The following RNLS variants were observed in gnomAD, a reference collection of about 807,000 sequenced individuals.
RNLS encodes renalase, FAD dependent amine oxidase.
Under a neutral mutation model 39.8 loss-of-function variants are expected in RNLS, and 39 were observed. The ratio of observed to expected loss-of-function variants is 0.98; its 90% CI spans 0.76 to 1.28. RNLS has a LOEUF of 1.28. RNLS is among the 50% of genes most tolerant of loss of function. The pLI, the probability that RNLS is intolerant of heterozygous loss-of-function variation, is 0.00. For synonymous variants in RNLS, 147 were observed against 150.7 expected (o/e 0.98, Z 0.18); for missense variants, 410 against 413.3 (o/e 0.99, Z 0.07).
At chr10:88,234,782 A>C in the RNLS span, among the ~76,000 whole-genome samples, 1 of 152,174 alleles carries the variant, frequency 6.6e-6, no homozygotes, top group African/African-American at 2.4e-5. Context: ...AGAGGGGTAA[A>C]AGTCAAAGCT....
chr10:88,209,526 A>G, the RNLS span, among the ~76,000 whole-genome samples: 2 of 152,164 alleles, frequency 1.3e-5, no homozygotes, highest in African/African-American at 2.4e-5. Context: ...TTAGAGAGAG[A>G]GCATGGCCTT....
the RNLS span, among the ~76,000 whole-genome samples, chr10:88,209,029 CT>C: frequency 6.6e-6 from 1 of 152,100 alleles, no homozygotes; most frequent in South Asian, 2.1e-4. Flanking sequence ...AATCGGATAG[CT>C]TTTCCCAGTG....
intron 4 of RNLS, among the ~76,000 whole-genome samples, chr10:88,459,602 C>T (rs1314452839): frequency 6.6e-6 from 1 of 152,092 alleles, no homozygotes; most frequent in Non-Finnish European, 1.5e-5. Flanking sequence ...TTAAGAAATT[C>T]AAGGTTTTCA....
chr10:88,243,834 T>G, the RNLS span, among the ~76,000 whole-genome samples: 4 of 152,240 alleles, frequency 2.6e-5, no homozygotes, highest in Admixed American at 6.5e-5. Context: ...AGTCATTTTG[T>G]TTCTCCTATC....
intron 6 of RNLS, among the ~76,000 whole-genome samples, chr10:88,278,586 C>T (rs565320017): frequency 6.6e-6 from 1 of 152,062 alleles, no homozygotes; most frequent in Non-Finnish European, 1.5e-5. Context: ...ATTCCCCTCC[C>T]CTCTCCCACG....
intron 4 of RNLS, among the ~76,000 whole-genome samples, chr10:88,385,467 G>C (rs1483312326): frequency 6.6e-6 from 1 of 152,186 alleles, no homozygotes; most frequent in African/African-American, 2.4e-5. Flanking sequence ...CCTAGACATG[G>C]TAGAATTTAG....
intron 5 of RNLS, among the ~76,000 whole-genome samples, chr10:88,344,576 A>C (rs1007631724): frequency 5.9e-5 from 9 of 152,244 alleles, no homozygotes; most frequent in Non-Finnish European, 1.3e-4. Flanking sequence ...CTCCCGAGAA[A>C]CTACTATTAT....
chr10:88,553,463 A>G (rs1395710702), intron 4 of RNLS, among the ~76,000 whole-genome samples: 1 of 152,154 alleles, frequency 6.6e-6, no homozygotes, highest in East Asian at 1.9e-4. Context: ...AAAGCTCTTA[A>G]CTTCTCAAAA....
At chr10:88,569,786 T>C (rs919406204) in intron 4 of RNLS, among the ~76,000 whole-genome samples, 1 of 152,098 alleles carries the variant, frequency 6.6e-6, no homozygotes. Flanking sequence ...TGACACATGT[T>C]CACCTACGTA....
At chr10:88,218,874 C>T in the RNLS span, among the ~76,000 whole-genome samples, 1 of 152,158 alleles carries the variant, frequency 6.6e-6, no homozygotes. Flanking sequence ...CTCATGCTTC[C>T]CTCCAAATCT....
At chr10:88,493,541 C>T (rs374755056) in intron 4 of RNLS, among the ~76,000 whole-genome samples, 11 of 151,922 alleles carry the variant, frequency 7.2e-5, no homozygotes, top group African/African-American at 2.7e-4. Context: ...GAAAGTTTCT[C>T]ATTTTTTTCC....
At chr10:88,458,742 C>T (rs1842772350) in intron 4 of RNLS, among the ~76,000 whole-genome samples, 1 of 151,944 alleles carries the variant, frequency 6.6e-6, no homozygotes, top group Admixed American at 6.6e-5. Context: ...TGGATTATGT[C>T]AGGAAAAAAA....
chr10:88,479,077 C>G (rs778431426), intron 4 of RNLS, among the ~76,000 whole-genome samples: 6 of 152,094 alleles, frequency 3.9e-5, no homozygotes, highest in Non-Finnish European at 5.9e-5. Flanking sequence ...ATATAGTGAT[C>G]AACAATCATT....
At chr10:88,548,829 CA>C (rs1175569833) in intron 4 of RNLS, among the ~76,000 whole-genome samples, 1 of 151,152 alleles carries the variant, frequency 6.6e-6, no homozygotes, top group Non-Finnish European at 1.5e-5. Flanking sequence ...CTGTATCTTG[CA>C]AAAAATAAAA....
intron 5 of RNLS, among the ~76,000 whole-genome samples, chr10:88,323,629 A>G (rs1564694457): frequency 6.6e-6 from 1 of 152,178 alleles, no homozygotes; most frequent in Non-Finnish European, 1.5e-5. Flanking sequence ...ACTTAAATGT[A>G]AGACCTGCAA....
chr10:88,268,880 T>C (rs905504322), downstream of RNLS, among the ~76,000 whole-genome samples: 1 of 152,212 alleles, frequency 6.6e-6, no homozygotes, highest in Non-Finnish European at 1.5e-5. Flanking sequence ...GTGTGGCCAA[T>C]ACAACATGAA....
chr10:88,342,637 A>C (rs1848032968), intron 5 of RNLS, among the ~76,000 whole-genome samples: 1 of 152,208 alleles, frequency 6.6e-6, no homozygotes, highest in Non-Finnish European at 1.5e-5. Flanking sequence ...ACAGAAAATT[A>C]AAATATAAGT....
At chr10:88,399,436 T>C (rs1852777628) in intron 4 of RNLS, among the ~76,000 whole-genome samples, 1 of 152,006 alleles carries the variant, frequency 6.6e-6, no homozygotes, top group South Asian at 2.1e-4. Flanking sequence ...ATCCATACAA[T>C]GGAATATTAT....
chr10:88,355,710 T>A (rs989139567), intron 5 of RNLS, among the ~76,000 whole-genome samples: 94 of 152,152 alleles, frequency 6.2e-4, no homozygotes, highest in Middle Eastern at 3.4e-3. Context: ...CAAACTCCAT[T>A]CTGGGAGAAC....
Sources: gnomAD v4.1 joint callset for allele counts (sites outside exome capture counted in the v4.1 genomes callset) on GRCh38, gnomAD v4.1.1 for gene constraint, MANE v1.5 for transcripts, NCBI Gene and HGNC (gene_info 2026-07-23, HGNC 2026-07-21) for gene names.